The following RIC8B variants were observed in gnomAD, a reference collection of about 807,000 sequenced individuals.
RIC8B encodes the protein chaperone Ric-8B.
Under a neutral mutation model 57.5 loss-of-function variants are expected in RIC8B, and 16 were observed. The ratio of observed to expected loss-of-function variants is 0.28; its 90% CI spans 0.19 to 0.42. RIC8B has a LOEUF of 0.42. RIC8B is among the 10% of genes least tolerant of loss of function. RIC8B has a pLI of 1.00. For missense variants in RIC8B, 481 were observed against 677.0 expected, an observed-to-expected ratio of 0.71 and a Z score of 3.21; for synonymous variants, 216 against 250.8, an observed-to-expected ratio of 0.86 and a Z score of 1.31.
At chr12:106,801,061 T>C (rs2044709455) in intron 2 of RIC8B, among the ~76,000 whole-genome samples, 1 of 152,226 alleles carries the variant, frequency 6.6e-6, no homozygotes, top group African/African-American at 2.4e-5. Context: ...TTTGCCAACA[T>C]ACTAACTTTA....
chr12:106,803,230 A>AAG (rs2044832478), intron 2 of RIC8B, among the ~76,000 whole-genome samples: 1 of 151,420 alleles, frequency 6.6e-6, no homozygotes, highest in Non-Finnish European at 1.5e-5. Context: ...AAAAAAAAAA[A>AAG]AAAAAAAAGC....
intron 2 of RIC8B, among the ~76,000 whole-genome samples, chr12:106,812,949 A>G (rs2045401961): frequency 6.6e-6 from 1 of 152,156 alleles, no homozygotes; most frequent in African/African-American, 2.4e-5. Flanking sequence ...AGAGAACGCA[A>G]TACAGTCATC....
chr12:106,801,420 G>T (rs561083660), intron 2 of RIC8B, among the ~76,000 whole-genome samples: 4 of 152,230 alleles, frequency 2.6e-5, no homozygotes, highest in African/African-American at 9.6e-5. Flanking sequence ...TTTATTTTCA[G>T]TTTTTTTGAC....
intron 7 of RIC8B, among the ~76,000 whole-genome samples, chr12:106,854,115 C>T (rs958898411): frequency 6.6e-6 from 1 of 152,050 alleles, no homozygotes; most frequent in Non-Finnish European, 1.5e-5. Context: ...TATTTAGCAG[C>T]GACTGATGGT....
At chr12:106,812,152 C>T (rs1047509430) in intron 2 of RIC8B, among the ~76,000 whole-genome samples, 9 of 152,038 alleles carry the variant, frequency 5.9e-5, no homozygotes, top group Admixed American at 2.0e-4. Context: ...CAACAGTCAC[C>T]GTGTGAGGTA....
At chr12:106,851,158 G>T (rs1316771292) in intron 6 of RIC8B, among the ~76,000 whole-genome samples, 2 of 152,054 alleles carry the variant, frequency 1.3e-5, no homozygotes, top group Non-Finnish European at 2.9e-5. Flanking sequence ...GCAAGTTGAG[G>T]CATTCCAGGT....
Position 106,888,408 on chromosome 12 carries a change from A to C in RIC8B, c.*2393A>C, listed in dbSNP as rs1240089150. On this transcript the variant is annotated 3_prime_UTR_variant, in exon 10 of 10. Coordinates refer to ENST00000392837, the MANE Select transcript of RIC8B (RefSeq NM_001330145.2). ...ATGTTATCTCATGTAACCTCACCTT[A>C]TCGCATATGAAAGATCCTCTCCAGA... 2 of 152,472 alleles carry C rather than the reference A, an allele frequency of 1.3e-5. No individual in the cohort carries two copies. Among genetic ancestry groups the C allele is most frequent in the Non-Finnish European group, 2.9e-5 (2 of 68,058 alleles). The allele number at this position is 152,472 out of a possible 1,614,324, so 9.4% of individuals were successfully genotyped here.
chr12:106,853,554 C>T (rs1472591297), intron 7 of RIC8B, among the ~76,000 whole-genome samples: 6 of 145,852 alleles, frequency 4.1e-5, no homozygotes, highest in Non-Finnish European at 6.0e-5. Context: ...CTGCAACCTC[C>T]GCCTCCCAGG....
chr12:106,823,468 T>TCACC (rs1337354993), intron 3 of RIC8B: 4 of 456,054 alleles, frequency 8.8e-6, no homozygotes, highest in South Asian at 3.1e-5. Flanking sequence ...GAATTTTGGT[T>TCACC]TGCAGCTGCA....
At chr12:106,809,551 G>C (rs909563356) in intron 2 of RIC8B, among the ~76,000 whole-genome samples, 4 of 145,166 alleles carry the variant, frequency 2.8e-5, no homozygotes, top group Non-Finnish European at 4.5e-5. Context: ...AAAAAGAATT[G>C]TGCAGTAAGT....
intron 7 of RIC8B, among the ~76,000 whole-genome samples, chr12:106,852,846 G>T (rs900792624): frequency 1.3e-5 from 2 of 152,158 alleles, no homozygotes; most frequent in African/African-American, 4.8e-5. Flanking sequence ...TTAGCATCTT[G>T]GAATTAAGTG....
Position 106,777,325 on chromosome 12 carries a change from G to C in RIC8B, c.84+2496G>C, listed in dbSNP as rs190952877. Among the ~76,000 whole-genome samples, 867 of 152,300 alleles carry C rather than the reference G, an allele frequency of 5.7e-3. 9 individuals are homozygous for C. Among genetic ancestry groups the C allele is most frequent in the Middle Eastern group, 0.017 (5 of 294 alleles). On this transcript the variant is annotated intron_variant, in intron 1 of 9. Coordinates refer to ENST00000392837, the MANE Select transcript of RIC8B (RefSeq NM_001330145.2). ...AGGAAGTGAATGTATGATCATAGTG[G>C]TTCAGGCAGTAAGAATGGGGAGGTG...
chr12:106,816,947 T>TC (rs1372521322), intron 3 of RIC8B, among the ~76,000 whole-genome samples: 1 of 152,226 alleles, frequency 6.6e-6, no homozygotes, highest in Admixed American at 6.5e-5. Context: ...TCTGACCTAG[T>TC]ACCTGTTGTG....
intron 4 of RIC8B, among the ~76,000 whole-genome samples, chr12:106,829,157 C>T (rs2046243845): frequency 6.6e-6 from 1 of 152,178 alleles, no homozygotes; most frequent in East Asian, 1.9e-4. Flanking sequence ...TTCCTTTTGT[C>T]TGTACTTAAT....
At chr12:106,833,407 G>A (rs373116362) in intron 4 of RIC8B, among the ~76,000 whole-genome samples, 1 of 152,040 alleles carries the variant, frequency 6.6e-6, no homozygotes, top group South Asian at 2.1e-4. Context: ...TTCGAGACCA[G>A]CCTGACCAAC....
intron 9 of RIC8B, among the ~76,000 whole-genome samples, chr12:106,882,956 A>C (rs1385017303): frequency 6.6e-6 from 1 of 152,206 alleles, no homozygotes; most frequent in Non-Finnish European, 1.5e-5. Flanking sequence ...AATATTTTTA[A>C]TTATTTGCAT....
chr12:106,778,788 T>G (rs1807080235), intron 1 of RIC8B, among the ~76,000 whole-genome samples: 1 of 152,212 alleles, frequency 6.6e-6, no homozygotes, highest in Non-Finnish European at 1.5e-5. Context: ...CTACGGTTAT[T>G]CCTCAATATC....
intron 4 of RIC8B, 68 bp from the exon 5 acceptor site, chr12:106,842,518 CTTA>C (rs1948997414): frequency 7.9e-7 from 1 of 1,268,618 alleles, no homozygotes; most frequent in African/African-American, 1.5e-5. Flanking sequence ...TTTTGAACTT[CTTA>C]TTATGTTTGC....
At chr12:106,816,872 G>T (rs2045599205) in intron 3 of RIC8B, among the ~76,000 whole-genome samples, 1 of 152,172 alleles carries the variant, frequency 6.6e-6, no homozygotes, top group African/African-American at 2.4e-5. Flanking sequence ...TACTCATTCT[G>T]TGTTATAGAA....
Sources: allele counts gnomAD v4.1 joint callset (sites outside exome capture counted in the v4.1 genomes callset), GRCh38; gene constraint gnomAD v4.1.1; transcripts MANE v1.5; gene names NCBI Gene and HGNC (gene_info 2026-07-23, HGNC 2026-07-21).